The following CGGBP1 variants were observed in gnomAD, a reference collection of about 807,000 sequenced individuals.
CGGBP1 encodes CGG triplet repeat-binding protein 1.
A neutral mutation model predicts 11.4 loss-of-function variants in CGGBP1; 4 were observed. The ratio of observed to expected loss-of-function variants is 0.35; its 90% CI spans 0.17 to 0.80. CGGBP1 has a LOEUF of 0.80. Among genes scored for constraint, CGGBP1 ranks in the 30% least tolerant of loss-of-function variants. The pLI is 0.52. For missense variants in CGGBP1, 135 were observed against 202.1 expected, an observed-to-expected ratio of 0.67 and a Z score of 2.01; for synonymous variants, 76 against 74.1, an observed-to-expected ratio of 1.03 and a Z score of -0.13.
At chr3:88,128,582 C>T (rs985565677) in intron 2 of CGGBP1, among the ~76,000 whole-genome samples, 2 of 152,010 alleles carry the variant, frequency 1.3e-5, no homozygotes, top group Non-Finnish European at 2.9e-5. Flanking sequence ...ACTTTTTAGA[C>T]TAAGAAATCA....
intron 2 of CGGBP1, among the ~76,000 whole-genome samples, chr3:88,099,032 A>G (rs1392715823): frequency 2.6e-5 from 4 of 152,196 alleles, no homozygotes; most frequent in Non-Finnish European, 5.9e-5. Context: ...TTAGGAAAAG[A>G]GGAAGTCAAA....
In CGGBP1 at chr3:88,135,170, A is replaced by G. The variant is rs777076314; in HGVS notation, c.-229+5800T>C. ...AAGAACAGCAACTAATGTGAGAGTC[A>G]TATTTCCTTTCATGAAAATCATCAA... is the stretch of plus-strand genomic sequence containing the variant. On this transcript the variant is annotated intron_variant, in intron 2 of 3. Coordinates refer to the CGGBP1 transcript ENST00000462901. 7.4e-6 allele frequency: 11 copies of G among 1,482,026 alleles called. No homozygotes were observed. The Middle Eastern group carries it at 6.8e-4, about 92-fold the overall frequency. The allele number at this position is 1,482,026 out of a possible 1,614,324, so 91.8% of individuals were successfully genotyped here.
chr3:88,142,535 C>A (rs922259330), intron 1 of CGGBP1: 19 of 152,270 alleles, frequency 1.2e-4, no homozygotes, highest in African/African-American at 4.6e-4. Context: ...TGGGATACTT[C>A]TGTTTGTGTA....
upstream of CGGBP1, among the ~76,000 whole-genome samples, chr3:88,061,618 G>A (rs1023455468): frequency 6.6e-6 from 1 of 152,098 alleles, no homozygotes; most frequent in African/African-American, 2.4e-5. Context: ...AAAGCTTTTA[G>A]ATGGAATAAA....
In CGGBP1 at chr3:88,054,219, T is replaced by G. The variant is rs1706489932; in HGVS notation, c.*1254A>C. On this transcript the variant is annotated 3_prime_UTR_variant, in exon 4 of 4. Coordinates refer to ENST00000482016, the MANE Select transcript of CGGBP1 (RefSeq NM_001008390.2). ...AGAATTTAAGATTTTTTATTAAAGC[T>G]CTAGTCCAAGTTTCCAGCTGTTAAA... The G allele has an allele frequency of 1.3e-5, 2 of 152,604 alleles. No individual in the cohort carries two copies. The allele number at this position is 152,604 out of a possible 1,614,324, so 9.5% of individuals were successfully genotyped here.
At chr3:88,067,014 A>G (rs1559686836) in intron 2 of CGGBP1, among the ~76,000 whole-genome samples, 3 of 152,222 alleles carry the variant, frequency 2.0e-5, no homozygotes, top group African/African-American at 4.8e-5. Context: ...CCTAAAGTCT[A>G]GTACATTAAC....
chr3:88,117,222 T>G (rs1705467159), intron 2 of CGGBP1, among the ~76,000 whole-genome samples: 1 of 152,204 alleles, frequency 6.6e-6, no homozygotes, highest in African/African-American at 2.4e-5. Flanking sequence ...AATTTAATTT[T>G]CAACTCATAA....
chr3:88,133,752 A>C (rs543144487), intron 2 of CGGBP1, among the ~76,000 whole-genome samples: 1 of 152,290 alleles, frequency 6.6e-6, no homozygotes, highest in South Asian at 2.1e-4. Context: ...CGGAGGCTGA[A>C]AACAGATCAG....
chr3:88,113,415 C>T (rs1705209514), intron 2 of CGGBP1, among the ~76,000 whole-genome samples: 1 of 152,106 alleles, frequency 6.6e-6, no homozygotes, highest in Admixed American at 6.6e-5. Context: ...TCCTATTCTA[C>T]ATTTGTTAGA....
At chr3:88,131,753 T>A (rs1467326280) in intron 2 of CGGBP1, among the ~76,000 whole-genome samples, 1 of 152,082 alleles carries the variant, frequency 6.6e-6, no homozygotes, top group Non-Finnish European at 1.5e-5. Context: ...TACCCTCTTA[T>A]TTCTTCTACC....
At chr3:88,139,727 AAAT>A in intron 2 of CGGBP1, 1 of 1,560,038 alleles carries the variant, frequency 6.4e-7, no homozygotes, top group Non-Finnish European at 8.7e-7. Flanking sequence ...ATAATTCTTT[AAAT>A]AATGTTTTCA....
At chr3:88,128,288 T>A (rs1350038455) in intron 2 of CGGBP1, among the ~76,000 whole-genome samples, 2 of 152,116 alleles carry the variant, frequency 1.3e-5, no homozygotes, top group African/African-American at 4.8e-5. Context: ...TTGGCACTAC[T>A]TTTGGATTAA....
chr3:88,059,309 G>C (rs1706695728), upstream of CGGBP1: 1 of 1,533,020 alleles, frequency 6.5e-7, no homozygotes, highest in African/African-American at 1.4e-5. Context: ...GCGCTGGGCG[G>C]CGAGAGCCTC....
At chr3:88,114,090 A>G (rs1161485153) in intron 2 of CGGBP1, among the ~76,000 whole-genome samples, 1 of 152,184 alleles carries the variant, frequency 6.6e-6, no homozygotes, top group Non-Finnish European at 1.5e-5. Flanking sequence ...ACTAAGGTCT[A>G]AGAAAAACAG....
chr3:88,088,856 T>TA (rs1251938199), intron 2 of CGGBP1, among the ~76,000 whole-genome samples: 2 of 151,900 alleles, frequency 1.3e-5, no homozygotes, highest in African/African-American at 4.8e-5. Flanking sequence ...CACTGCAACC[T>TA]ACATCTCCTG....
upstream of CGGBP1, among the ~76,000 whole-genome samples, chr3:88,063,269 CCTTA>C (rs1706990844): frequency 1.3e-5 from 2 of 152,090 alleles, no homozygotes; most frequent in South Asian, 2.1e-4. Context: ...TTGGCTGTAC[CCTTA>C]CTTTGGGACT....
At chr3:88,125,414 A>T (rs930632023) in intron 2 of CGGBP1, among the ~76,000 whole-genome samples, 1 of 152,202 alleles carries the variant, frequency 6.6e-6, no homozygotes, top group Non-Finnish European at 1.5e-5. Flanking sequence ...AGATTCTCTG[A>T]AAAACATTTC....
At chr3:88,132,405 A>G (rs570515935) in intron 2 of CGGBP1, among the ~76,000 whole-genome samples, 18 of 152,266 alleles carry the variant, frequency 1.2e-4, no homozygotes, top group African/African-American at 4.3e-4. Context: ...TAATGCACAC[A>G]TTGAATAAAG....
intron 1 of CGGBP1, among the ~76,000 whole-genome samples, chr3:88,147,954 TAAG>T (rs780109939): frequency 5.3e-5 from 8 of 152,198 alleles, no homozygotes; most frequent in Non-Finnish European, 1.2e-4. Context: ...GTTCTATGAT[TAAG>T]AAACCCTGCG....
Sources: allele counts gnomAD v4.1 joint callset (sites outside exome capture counted in the v4.1 genomes callset), GRCh38; gene constraint gnomAD v4.1.1; transcripts MANE v1.5; gene names NCBI Gene and HGNC (gene_info 2026-07-23, HGNC 2026-07-21).